FHIT: variants seen among roughly 807,000 people sequenced by gnomAD.
FHIT encodes the protein fragile histidine triad diadenosine triphosphatase, also known as bis(5'-adenosyl)-triphosphatase.
FHIT carries 19 observed loss-of-function variants against 17.9 expected under a neutral mutation model. The ratio of observed to expected loss-of-function variants is 1.06; its 90% confidence interval spans 0.74 to 1.56. The LOEUF is 1.56. FHIT is among the 40% of genes most tolerant of loss of function. The probability of loss-of-function intolerance (pLI) is 0.00; values close to 1 mark genes in which losing one functional copy is unlikely to be tolerated. For synonymous variants in FHIT, 81 were observed against 69.7 expected, an observed-to-expected ratio of 1.16 and a Z score of -0.81; for missense variants, 248 against 189.2, an observed-to-expected ratio of 1.31 and a Z score of -1.82.
chr3:60,495,536 C>G (rs749926185), intron 5 of FHIT, among the ~76,000 whole-genome samples: 1 of 151,806 alleles, frequency 6.6e-6, no homozygotes, highest in Admixed American at 6.6e-5. Flanking sequence ...AAATCCAAGC[C>G]ATTATTGACA....
intron 4 of FHIT, among the ~76,000 whole-genome samples, chr3:60,758,899 G>A (rs782122117): frequency 3.3e-5 from 5 of 152,118 alleles, no homozygotes; most frequent in Non-Finnish European, 5.9e-5. Context: ...GAGGACTGCT[G>A]ATTTATAAAA....
At chr3:60,552,929 TC>T (rs2036607719) in intron 4 of FHIT, among the ~76,000 whole-genome samples, 1 of 152,148 alleles carries the variant, frequency 6.6e-6, no homozygotes, top group Non-Finnish European at 1.5e-5. Context: ...CCTCCCTCAT[TC>T]CAAAGGTGCA....
At chr3:60,632,085 T>G (rs1360217081) in intron 4 of FHIT, among the ~76,000 whole-genome samples, 3 of 9,430 alleles carry the variant, frequency 3.2e-4, no homozygotes, top group Non-Finnish European at 6.2e-4. Context: ...GAAAGAAGTG[T>G]TTTTTTTTTG....
intron 5 of FHIT, among the ~76,000 whole-genome samples, chr3:60,293,326 A>C (rs961170039): frequency 3.3e-5 from 5 of 152,162 alleles, no homozygotes; most frequent in African/African-American, 1.2e-4. Flanking sequence ...TTTCCCAAAA[A>C]TCTCAAGTCA....
chr3:60,076,138 GA>G (rs1285628198), intron 5 of FHIT, among the ~76,000 whole-genome samples: 1 of 152,040 alleles, frequency 6.6e-6, no homozygotes, highest in East Asian at 1.9e-4. Context: ...AAGCCATTAA[GA>G]AATACAATTA....
At chr3:60,931,596 CT>C (rs869281317) in intron 3 of FHIT, among the ~76,000 whole-genome samples, 2 of 63,396 alleles carry the variant, frequency 3.2e-5, no homozygotes, top group Admixed American at 1.5e-4. Flanking sequence ...GCTTCCACCC[CT>C]GTTTGTAAAC....
At chr3:60,561,059 C>T (rs549361218) in intron 4 of FHIT, among the ~76,000 whole-genome samples, 1 of 152,084 alleles carries the variant, frequency 6.6e-6, no homozygotes, top group South Asian at 2.1e-4. Context: ...CAAATGGATT[C>T]ATTCATTGCA....
chr3:60,227,365 A>G (rs1275642896), intron 5 of FHIT, among the ~76,000 whole-genome samples: 1 of 152,220 alleles, frequency 6.6e-6, no homozygotes, highest in East Asian at 1.9e-4. Flanking sequence ...AAGGACCACC[A>G]TCCCACCTCT....
intron 5 of FHIT, among the ~76,000 whole-genome samples, chr3:60,130,902 T>C (rs1011056507): frequency 2.1e-5 from 3 of 145,690 alleles, no homozygotes; most frequent in Non-Finnish European, 4.6e-5. Flanking sequence ...CATACACATA[T>C]ATACACATAT....
intron 8 of FHIT, among the ~76,000 whole-genome samples, chr3:59,885,284 A>T (rs1703572127): frequency 6.6e-6 from 1 of 151,998 alleles, no homozygotes; most frequent in South Asian, 2.1e-4. Context: ...TCAGACACTG[A>T]AAATATTGCT....
intron 7 of FHIT, among the ~76,000 whole-genome samples, chr3:59,956,208 C>T (rs749148074): frequency 2.1e-4 from 32 of 152,140 alleles, no homozygotes; most frequent in Non-Finnish European, 3.8e-4. Context: ...TTAAAAGCCC[C>T]AGCTCTGGAG....
chr3:61,058,047 T>C (rs185119498), intron 2 of FHIT, among the ~76,000 whole-genome samples: 2 of 151,630 alleles, frequency 1.3e-5, no homozygotes, highest in African/African-American at 4.8e-5. Context: ...AGTTCTTTAA[T>C]ATCACAGAAA....
intron 5 of FHIT, among the ~76,000 whole-genome samples, chr3:60,257,675 C>T (rs1464394172): frequency 6.6e-6 from 1 of 152,154 alleles, no homozygotes; most frequent in African/African-American, 2.4e-5. Flanking sequence ...GCAGAAATTT[C>T]TTTGATGTCT....
chr3:60,886,174 A>C (rs1553759218), intron 3 of FHIT, among the ~76,000 whole-genome samples: 2 of 152,188 alleles, frequency 1.3e-5, no homozygotes, highest in African/African-American at 4.8e-5. Flanking sequence ...TATTTGACAA[A>C]TTTGATTATC....
At chr3:61,177,215 T>A (rs1389220408) in intron 2 of FHIT, among the ~76,000 whole-genome samples, 4 of 151,680 alleles carry the variant, frequency 2.6e-5, no homozygotes, top group Non-Finnish European at 5.9e-5. Flanking sequence ...ACCAAATCAT[T>A]TCACTGAATC....
intron 4 of FHIT, chr3:60,537,514 T>C (rs557787338): frequency 1.0e-6 from 1 of 957,890 alleles, no homozygotes; most frequent in South Asian, 4.8e-5. Context: ...TAGTAAAATC[T>C]CCAAAATAAA....
chr3:60,987,304 C>T (rs2029861861), intron 3 of FHIT, among the ~76,000 whole-genome samples: 1 of 152,152 alleles, frequency 6.6e-6, no homozygotes, highest in South Asian at 2.1e-4. Flanking sequence ...TTCATAATGG[C>T]CCTAACACCC....
chr3:59,990,365 T>C (rs60751140), intron 7 of FHIT, among the ~76,000 whole-genome samples: 12,057 of 152,110 alleles, frequency 0.079, 558 homozygotes, highest in African/African-American at 0.12. Flanking sequence ...CCTGTGGATT[T>C]GTATCAGTTG....
intron 4 of FHIT, among the ~76,000 whole-genome samples, chr3:60,612,178 T>C (rs974003803): frequency 2.0e-5 from 3 of 152,084 alleles, no homozygotes; most frequent in Non-Finnish European, 4.4e-5. Flanking sequence ...AAGAGAAGGG[T>C]CAACTCTTTA....
Sources: allele counts gnomAD v4.1 joint callset (sites outside exome capture counted in the v4.1 genomes callset), GRCh38; gene constraint gnomAD v4.1.1; transcripts MANE v1.5; gene names NCBI Gene and HGNC (gene_info 2026-07-23, HGNC 2026-07-21).